HECW1: variants seen among roughly 807,000 people sequenced by gnomAD.
The protein encoded by HECW1 is E3 ubiquitin-protein ligase HECW1.
In HECW1, 61 loss-of-function variants were observed where a neutral mutation model predicts 182.3. The observed-to-expected ratio is 0.33, with a 90% CI of 0.27 to 0.41. The LOEUF (loss-of-function observed/expected upper bound fraction) is 0.41, where lower values mean the gene tolerates loss of function less well. Ranked by LOEUF, HECW1 falls within the 10% of genes least tolerant of loss-of-function variation. The probability of loss-of-function intolerance (pLI) is 1.00; values close to 1 mark genes in which losing one functional copy is unlikely to be tolerated. For missense variants in HECW1, 1,739 were observed against 2,108.9 expected (o/e 0.82, Z 3.44); for synonymous variants, 859 against 832.6 (o/e 1.03, Z -0.55).
At chr7:43,534,772 G>T (rs924994851) in intron 24 of HECW1, among the ~76,000 whole-genome samples, 7 of 152,200 alleles carry the variant, frequency 4.6e-5, no homozygotes, top group Non-Finnish European at 1.0e-4. Context: ...AATGCTGTTT[G>T]TAAGCAGAGC....
Position 43,293,050 on chromosome 7 carries a change from C to T in HECW1, c.28-18713C>T, listed in dbSNP as rs183195894. 3.1e-3 allele frequency among the ~76,000 whole-genome samples: 474 copies of T among 151,834 alleles called. 1 individual carries two copies. The highest frequency in any genetic ancestry group is 9.6e-3 in the African/African-American group (399 of 41,404). On this transcript the variant is annotated intron_variant, in intron 3 of 29. Transcript: ENST00000395891. ...TCATCCTAGCTAACACGGTGAAACC[C>T]CATCTCTACTAAAAATAGAATTAGC...
intron 3 of HECW1, 76 bp downstream of exon 3, chr7:43,244,008 T>A: frequency 8.4e-7 from 1 of 1,193,646 alleles, no homozygotes; most frequent in Non-Finnish European, 1.3e-6. Flanking sequence ...TAATGGAATG[T>A]GCCTCAGCCT....
chr7:43,363,567 G>A (rs1816234778), intron 6 of HECW1, among the ~76,000 whole-genome samples: 1 of 152,140 alleles, frequency 6.6e-6, no homozygotes, highest in African/African-American at 2.4e-5. Context: ...CGATCGCATA[G>A]CCCCTCTGCC....
intron 6 of HECW1, among the ~76,000 whole-genome samples, chr7:43,389,531 C>T (rs965632048): frequency 3.9e-5 from 6 of 152,196 alleles, no homozygotes; most frequent in Non-Finnish European, 5.9e-5. Context: ...CCCTAAGAAC[C>T]GTCAGGGAAA....
intron 5 of HECW1, among the ~76,000 whole-genome samples, chr7:43,357,698 A>T (rs774603381): frequency 6.6e-6 from 1 of 151,636 alleles, no homozygotes; most frequent in Non-Finnish European, 1.5e-5. Flanking sequence ...TTTGTAATTT[A>T]TAATATGTTT....
rs78356364 is a variant in HECW1 at position 43,404,371 on chromosome 7, T to C, written c.632-3191T>C. Among the ~76,000 whole-genome samples the C allele has an allele frequency of 2.2e-4, 34 of 152,342 alleles. No individual in the cohort carries two copies. In the East Asian group the frequency reaches 6.6e-3, roughly 29 times the overall value. On this transcript the variant is annotated intron_variant, in intron 7 of 29. Transcript: ENST00000395891. ...GCTACTAATTCTCCCAAAGCTAAGA[T>C]ATAAATTCAATGCAGTTCTAATCAA...
intron 2 of HECW1, among the ~76,000 whole-genome samples, chr7:43,159,150 T>A (rs898473764): frequency 1.3e-5 from 2 of 149,902 alleles, no homozygotes; most frequent in Non-Finnish European, 2.9e-5. Context: ...AGAGGAATTT[T>A]TTATTTTTCA....
At chr7:43,535,136 A>G (rs1390387751) in intron 24 of HECW1, among the ~76,000 whole-genome samples, 2 of 152,186 alleles carry the variant, frequency 1.3e-5, no homozygotes, top group Non-Finnish European at 2.9e-5. Flanking sequence ...TCCACAGCAC[A>G]TTGCCTTCCT....
At chr7:43,330,893 T>G (rs1476984780) in intron 5 of HECW1, among the ~76,000 whole-genome samples, 1 of 152,190 alleles carries the variant, frequency 6.6e-6, no homozygotes, top group Non-Finnish European at 1.5e-5. Context: ...ACAGCAGTCC[T>G]GTGGGATGGC....
chr7:43,389,293 G>T (rs1022881416), intron 6 of HECW1, among the ~76,000 whole-genome samples: 2 of 152,206 alleles, frequency 1.3e-5, no homozygotes, highest in Non-Finnish European at 2.9e-5. Context: ...AATTCAGACT[G>T]CTGGAGCCGT....
chr7:43,188,049 A>G (rs10486737), intron 2 of HECW1, among the ~76,000 whole-genome samples: 34,394 of 152,080 alleles, frequency 0.23, 4,136 homozygotes, highest in Middle Eastern at 0.26. Flanking sequence ...AACATAACAA[A>G]TGTCCTGATG....
intron 8 of HECW1, among the ~76,000 whole-genome samples, chr7:43,429,140 C>T (rs890738585): frequency 2.0e-5 from 3 of 149,984 alleles, no homozygotes; most frequent in Non-Finnish European, 4.4e-5. Flanking sequence ...TTTGCCATAG[C>T]AGTATGTGTA....
chr7:43,213,507 G>A (rs1454518055), intron 2 of HECW1, among the ~76,000 whole-genome samples: 11 of 143,708 alleles, frequency 7.7e-5, no homozygotes, highest in East Asian at 4.0e-4. Flanking sequence ...GTGTAGTGGC[G>A]TGATCTCGGC....
chr7:43,413,252 C>A lies in HECW1; in HGVS notation c.801+5521C>A, dbSNP rs1584816920. On this transcript the variant is annotated intron_variant, in intron 8 of 29. Coordinates refer to ENST00000395891, the MANE Select transcript of HECW1 (RefSeq NM_015052.5). ...TGTTTTTTGGCTGCATAAATGTCTT[C>A]TTTTGAGAAGTGTCTGTTCATGTCC... Among the ~76,000 whole-genome samples, 5 of 52,990 alleles carry A rather than the reference C, an allele frequency of 9.4e-5. No homozygotes were observed. In the Admixed American group the frequency reaches 1.1e-3, roughly 12 times the overall value. The allele number at this position is 52,990 out of a possible 152,430, so 34.8% of individuals were successfully genotyped here.
intron 2 of HECW1, among the ~76,000 whole-genome samples, chr7:43,189,263 A>C (rs1378975495): frequency 1.3e-5 from 2 of 152,242 alleles, no homozygotes; most frequent in Non-Finnish European, 2.9e-5. Context: ...CTCAAATTTT[A>C]ATGTGCACAC....
intron 3 of HECW1, among the ~76,000 whole-genome samples, chr7:43,308,254 ATT>A (rs1491399907): frequency 5.1e-5 from 5 of 98,560 alleles, no homozygotes; most frequent in East Asian, 2.2e-4. Context: ...ATATATATAT[ATT>A]ATATGATATA....
At position 43,447,963 on chromosome 7, in the gene HECW1, T is replaced by TA. The variant is rs879381446; in HGVS notation, c.2398+2406dup. Among the ~76,000 whole-genome samples, 623 of 141,926 alleles carry TA rather than the reference T, an allele frequency of 4.4e-3. 7 individuals are homozygous for TA. The highest frequency in any genetic ancestry group is 0.012 in the African/African-American group (466 of 38,704). 93.1% of individuals were successfully genotyped at this position (141,926 alleles called of 152,430 possible). On this transcript the variant is annotated intron_variant, in intron 11 of 29. Transcript: ENST00000395891. ...CAACAGGGTGAAACCCTGTCTCTAC[T>TA]AAAAAAAAAAAAATACAAAATATTA...
intron 7 of HECW1, among the ~76,000 whole-genome samples, chr7:43,406,522 G>A (rs1412263923): frequency 1.3e-5 from 2 of 152,264 alleles, no homozygotes; most frequent in African/African-American, 2.4e-5. Context: ...CCATGACTGG[G>A]AATCCCTGAT....
chr7:43,561,468 ATACTAAT>A (rs2082206117), intron 29 of HECW1, among the ~76,000 whole-genome samples: 1 of 152,234 alleles, frequency 6.6e-6, no homozygotes, highest in South Asian at 2.1e-4. Context: ...TAATCCTTCA[ATACTAAT>A]TATATTTCTG....
Sources: allele counts gnomAD v4.1 joint callset (sites outside exome capture counted in the v4.1 genomes callset), GRCh38; gene constraint gnomAD v4.1.1; transcripts MANE v1.5; gene names NCBI Gene and HGNC (gene_info 2026-07-23, HGNC 2026-07-21).